CRYL1: variants seen among roughly 807,000 people sequenced by gnomAD.
CRYL1 encodes lambda-crystallin homolog.
In CRYL1, 29 loss-of-function variants were observed where a neutral mutation model predicts 36.6. That is an observed-to-expected ratio of 0.79 (90% confidence interval 0.59 to 1.08). CRYL1 has a LOEUF of 1.08. Among genes scored for constraint, CRYL1 ranks in the 50% least tolerant of loss-of-function variants. The pLI, the probability that CRYL1 is intolerant of heterozygous loss-of-function variation, is 0.00. For synonymous variants in CRYL1, 152 were observed against 151.5 expected (o/e 1.00, Z -0.02); for missense variants, 411 against 407.9 (o/e 1.01, Z -0.06).
Position 20,414,660 on chromosome 13 carries a change from G to A in CRYL1, c.634-1273C>T, listed in dbSNP as rs73160836. Among the ~76,000 whole-genome samples, 6,365 of 152,234 alleles carry A rather than the reference G, an allele frequency of 0.042. 364 individuals carry two copies. Among genetic ancestry groups the A allele is most frequent in the African/African-American group, 0.11 (4,418 of 41,528 alleles). ...GTTTGTTTGCTAAGGTGGGGCCCTG[G>A]AATCTTCTGCAATGTAAATTGCAAA... On this transcript the variant is annotated intron_variant, in intron 5 of 7. Transcript: ENST00000298248.
intron 2 of CRYL1, among the ~76,000 whole-genome samples, chr13:20,491,379 G>A (rs780922333): frequency 2.0e-5 from 3 of 152,144 alleles, no homozygotes; most frequent in Non-Finnish European, 2.9e-5. Context: ...TCCCTGCTCA[G>A]ATCTCATCAC....
chr13:20,439,550 ATGAGATG>A, intron 4 of CRYL1, 36 bp downstream of exon 4: 2 of 1,423,768 alleles, frequency 1.4e-6, no homozygotes, highest in African/African-American at 1.4e-5. Context: ...AAAACACAGA[ATGAGATG>A]AGATACAATC....
Position 20,432,105 on chromosome 13 carries a change from CACT to C in CRYL1, c.627_629del (p.Val210del). 6.2e-7 allele frequency: 1 copy of C among 1,614,100 alleles called. No homozygotes were observed. Among genetic ancestry groups the C allele is most frequent in the Middle Eastern group, 1.6e-4 (1 of 6,062 alleles). The stretch of plus-strand genomic sequence containing the variant: ...GAGAGAGGACGGGCACACACACCTC[CACT>C]AGCCGCCAGGCCTCGCTGATGATTG... On this transcript the variant is annotated inframe_deletion, in exon 5 of 8. Coordinates refer to ENST00000298248, the MANE Select transcript of CRYL1 (RefSeq NM_015974.3).
rs115783500 is a variant in CRYL1, at chr13:20,432,637, G to A, written c.439-341C>T. On this transcript the variant is annotated intron_variant, in intron 4 of 7. Coordinates refer to ENST00000298248, the MANE Select transcript of CRYL1 (RefSeq NM_015974.3). ...TGCTCCCATCTGTCTTGTCTTCAAA[G>A]CTTCCTCCCAGCCCACCACCCCCCA... Among the ~76,000 whole-genome samples, 1,085 of 152,224 alleles carry A rather than the reference G, an allele frequency of 7.1e-3. 10 individuals are homozygous for A. The highest frequency in any genetic ancestry group is 0.025 in the African/African-American group (1,040 of 41,526).
intron 3 of CRYL1, among the ~76,000 whole-genome samples, chr13:20,464,653 C>T (rs188241571): frequency 5.3e-5 from 8 of 152,250 alleles, no homozygotes; most frequent in Non-Finnish European, 8.8e-5. Context: ...TAATAGTGGG[C>T]TGTTTGTATC....
chr13:20,497,868 A>G (rs1357026630), intron 2 of CRYL1, among the ~76,000 whole-genome samples: 1 of 151,918 alleles, frequency 6.6e-6, no homozygotes, highest in Non-Finnish European at 1.5e-5. Flanking sequence ...CACACCATAT[A>G]TACACAGTAC....
rs1178824234 is a variant in CRYL1, at chr13:20,422,161, C to A, written c.634-8774G>T. ...ATCATTTGAGGTCAGGAGTTCAAGACCAGCTTGGCCAACATGGAGAAACCC... is the reference window on the plus strand; with the variant it reads ...ATCATTTGAGGTCAGGAGTTCAAGAACAGCTTGGCCAACATGGAGAAACCC... On this transcript the variant is annotated intron_variant, in intron 5 of 7. Coordinates refer to ENST00000298248, the MANE Select transcript of CRYL1 (RefSeq NM_015974.3). Among the ~76,000 whole-genome samples the A allele has an allele frequency of 2.2e-4, 34 of 152,058 alleles. 1 individual carries two copies. The highest frequency in any genetic ancestry group is 2.2e-3 in the Admixed American group (33 of 15,268).
At chr13:20,438,265 A>C (rs1405274848) in intron 4 of CRYL1, among the ~76,000 whole-genome samples, 1 of 152,160 alleles carries the variant, frequency 6.6e-6, no homozygotes, top group Non-Finnish European at 1.5e-5. Context: ...TCCACATTCT[A>C]AATGGCTCTT....
At chr13:20,459,044 G>A (rs1338815467) in intron 3 of CRYL1, among the ~76,000 whole-genome samples, 5 of 152,120 alleles carry the variant, frequency 3.3e-5, no homozygotes, top group Non-Finnish European at 5.9e-5. Flanking sequence ...GACCATCCTG[G>A]CTAACACGGT....
In CRYL1 at chr13:20,435,383, A is replaced by G. The variant is rs1032805521; in HGVS notation, c.439-3087T>C. Among the ~76,000 whole-genome samples, 53 of 152,052 alleles carry G rather than the reference A, an allele frequency of 3.5e-4. No individual in the cohort carries two copies. Among genetic ancestry groups the G allele is most frequent in the African/African-American group, 1.2e-3 (49 of 41,418 alleles). ...GACTGGGCCCCACGCAGCCCCCCAAAACAGACTTCCATTCACACCGACTTC... is the reference window on the plus strand; with the variant it reads ...GACTGGGCCCCACGCAGCCCCCCAAGACAGACTTCCATTCACACCGACTTC... On this transcript the variant is annotated intron_variant, in intron 4 of 7. Transcript: ENST00000298248. The surrounding 1 kb of genome is among the most constrained non-coding windows in gnomAD (Gnocchi z 4.0).
At chr13:20,431,591 G>A in intron 5 of CRYL1, 12 of 1,015,828 alleles carry the variant, frequency 1.2e-5, no homozygotes, top group Non-Finnish European at 1.4e-5. Context: ...ATTAGAGGAT[G>A]ATGTTAAATA....
intron 3 of CRYL1, among the ~76,000 whole-genome samples, chr13:20,484,829 G>A (rs1303524697): frequency 6.6e-6 from 1 of 152,162 alleles, no homozygotes; most frequent in African/African-American, 2.4e-5. Context: ...AAACAGGATT[G>A]TCCTAAACTT....
intron 1 of CRYL1, among the ~76,000 whole-genome samples, chr13:20,520,915 C>T (rs1181674824): frequency 6.6e-6 from 1 of 151,990 alleles, no homozygotes; most frequent in Non-Finnish European, 1.5e-5. Flanking sequence ...ACCATCCTGT[C>T]TAACACGGTG....
intron 3 of CRYL1, among the ~76,000 whole-genome samples, chr13:20,457,951 G>C (rs1258658856): frequency 6.6e-6 from 1 of 152,198 alleles, no homozygotes; most frequent in Non-Finnish European, 1.5e-5. Context: ...CCCCGGCAGA[G>C]CCTCGAAAGC....
chr13:20,450,118 C>T (rs191234768), intron 3 of CRYL1, among the ~76,000 whole-genome samples: 2 of 152,178 alleles, frequency 1.3e-5, no homozygotes, highest in Admixed American at 6.5e-5. Flanking sequence ...GAACCAAAAT[C>T]GAGCCTGAAC....
chr13:20,482,756 T>TGTGTGTGC (rs889135517), intron 3 of CRYL1, among the ~76,000 whole-genome samples: 4 of 151,738 alleles, frequency 2.6e-5, no homozygotes, highest in East Asian at 3.9e-4. Flanking sequence ...TGTGTGTGTG[T>TGTGTGTGC]GCGCGCGTGT....
chr13:20,507,701 A>G (rs190899719), intron 2 of CRYL1, among the ~76,000 whole-genome samples: 2,336 of 151,514 alleles, frequency 0.015, 57 homozygotes, highest in African/African-American at 0.042. Flanking sequence ...GGCGGATCAC[A>G]AGGTCAGGAG....
chr13:20,520,886 A>G (rs942866389), intron 1 of CRYL1, among the ~76,000 whole-genome samples: 5 of 152,118 alleles, frequency 3.3e-5, no homozygotes, highest in Admixed American at 6.6e-5. Context: ...TGGGTGGATA[A>G]CGAGGTCAGG....
intron 5 of CRYL1, among the ~76,000 whole-genome samples, chr13:20,421,380 GT>G (rs2031810950): frequency 6.6e-6 from 1 of 152,146 alleles, no homozygotes; most frequent in Non-Finnish European, 1.5e-5. Context: ...ACTACAATAA[GT>G]TTTGAACCAA....
Sources: gnomAD v4.1 joint callset for allele counts (sites outside exome capture counted in the v4.1 genomes callset) on GRCh38, gnomAD v4.1.1 for gene constraint, Gnocchi (gnomAD v3.1) non-coding constraint, MANE v1.5 for transcripts, NCBI Gene and HGNC (gene_info 2026-07-23, HGNC 2026-07-21) for gene names.